The following GRM5 variants were observed in gnomAD, a reference collection of about 807,000 sequenced individuals.
The protein encoded by GRM5 is glutamate metabotropic receptor 5, also known as metabotropic glutamate receptor 5.
A neutral mutation model predicts 83.1 loss-of-function variants in GRM5; 19 were observed. That is an observed-to-expected ratio of 0.23 (90% CI 0.16 to 0.34). GRM5 has a LOEUF of 0.34. Among genes scored for constraint, GRM5 ranks in the 10% least tolerant of loss-of-function variants. GRM5 has a pLI of 1.00. For synonymous variants in GRM5, 675 were observed against 633.6 expected (o/e 1.07, Z -0.98); for missense variants, 1,160 against 1,588.3 (o/e 0.73, Z 4.58).
chr11:88,629,438 C>A (rs952538691), intron 4 of GRM5, among the ~76,000 whole-genome samples: 1 of 152,176 alleles, frequency 6.6e-6, no homozygotes, highest in South Asian at 2.1e-4. Context: ...CTTCCTAATC[C>A]ATTTCTGTCT....
intron 9 of GRM5, among the ~76,000 whole-genome samples, chr11:88,510,459 C>A (rs568004990): frequency 6.6e-6 from 1 of 152,164 alleles, no homozygotes; most frequent in African/African-American, 2.4e-5. Context: ...AAGCTGCAGA[C>A]GTTCTTTCAG....
At chr11:88,553,793 G>T (rs779649118) in intron 8 of GRM5, among the ~76,000 whole-genome samples, 2 of 152,070 alleles carry the variant, frequency 1.3e-5, no homozygotes, top group South Asian at 2.1e-4. Flanking sequence ...TGCATGTTGG[G>T]GGGAAAAATA....
At chr11:88,815,899 C>T (rs1285771410) in intron 3 of GRM5, among the ~76,000 whole-genome samples, 3 of 152,120 alleles carry the variant, frequency 2.0e-5, no homozygotes, top group Non-Finnish European at 4.4e-5. Context: ...AAATCAGAGG[C>T]TTCAGCCCCT....
chr11:88,604,723 T>C lies in GRM5; in HGVS notation c.1389A>G (p.Pro463=). The C allele has an allele frequency of 6.2e-7, 1 of 1,611,892 alleles. No homozygotes were observed. The highest frequency in any genetic ancestry group is 8.5e-7 in the Non-Finnish European group (1 of 1,178,068). ...TILFDENGDS[P]GRYEIMNFKE... ...GGAGAATTGTAACACAATACCTTCCTGGAGAGTCTCCATTCTCATCGAATA... is the reference window on the plus strand; with the variant it reads ...GGAGAATTGTAACACAATACCTTCCCGGAGAGTCTCCATTCTCATCGAATA... The change falls in exon 5 of 10, where the codon CCA becomes CCG. Residue 463 remains proline, a synonymous_variant. Transcript: ENST00000305447.
chr11:88,716,108 A>G (rs913767189), intron 3 of GRM5, among the ~76,000 whole-genome samples: 7 of 151,962 alleles, frequency 4.6e-5, no homozygotes, highest in Admixed American at 1.3e-4. Flanking sequence ...CAAAAAAAGG[A>G]TGAGAGTTTG....
At chr11:88,601,302 A>G (rs1937987703) in intron 5 of GRM5, among the ~76,000 whole-genome samples, 1 of 152,038 alleles carries the variant, frequency 6.6e-6, no homozygotes, top group Non-Finnish European at 1.5e-5. Flanking sequence ...CATTTCTACT[A>G]TTCTAGCCTC....
intron 7 of GRM5, among the ~76,000 whole-genome samples, chr11:88,568,291 T>G (rs776143262): frequency 1.3e-5 from 2 of 152,176 alleles, no homozygotes; most frequent in African/African-American, 2.4e-5. Flanking sequence ...CAACTGTAAC[T>G]GTGATAAGGG....
chr11:88,578,720 T>C (rs1018812787), intron 7 of GRM5, among the ~76,000 whole-genome samples: 3 of 152,142 alleles, frequency 2.0e-5, no homozygotes, highest in African/African-American at 7.2e-5. Context: ...TAATGAACGT[T>C]GAGAAATTGG....
At chr11:88,813,971 CTT>C (rs1943628407) in intron 3 of GRM5, among the ~76,000 whole-genome samples, 1 of 151,968 alleles carries the variant, frequency 6.6e-6, no homozygotes. Context: ...AAAAACAAGA[CTT>C]AGCCTTCTAA....
chr11:88,991,929 G>T (rs1295907902), intron 2 of GRM5, among the ~76,000 whole-genome samples: 2 of 152,094 alleles, frequency 1.3e-5, no homozygotes, highest in African/African-American at 4.8e-5. Context: ...AACCCAGGCA[G>T]TACCATTCAG....
chr11:88,727,165 C>T (rs1383025293), intron 3 of GRM5, among the ~76,000 whole-genome samples: 2 of 152,136 alleles, frequency 1.3e-5, no homozygotes, highest in African/African-American at 4.8e-5. Context: ...CAAAGACGCA[C>T]ATAGGCTCAA....
intron 2 of GRM5, among the ~76,000 whole-genome samples, chr11:88,904,664 G>A (rs762768791): frequency 6.6e-6 from 1 of 152,064 alleles, no homozygotes; most frequent in Non-Finnish European, 1.5e-5. Context: ...GATACAATGT[G>A]TATCTTACAT....
intron 3 of GRM5, among the ~76,000 whole-genome samples, chr11:88,657,726 T>G (rs957274678): frequency 6.6e-6 from 1 of 152,142 alleles, no homozygotes; most frequent in Non-Finnish European, 1.5e-5. Flanking sequence ...AAATTGACTC[T>G]TGAATTACCC....
At chr11:88,527,659 T>G (rs1235546399) in intron 8 of GRM5, among the ~76,000 whole-genome samples, 1 of 152,184 alleles carries the variant, frequency 6.6e-6, no homozygotes, top group Admixed American at 6.6e-5. Context: ...ACTGCAGCAC[T>G]ATTCACTATA....
In GRM5 at chr11:88,523,631, CTACACATG is replaced by C. The variant is rs930578842; in HGVS notation, c.2726+1670_2726+1677del. On this transcript the variant is annotated intron_variant, in intron 9 of 9. Transcript: ENST00000305447. The stretch of plus-strand genomic sequence containing the variant: ...TACACCAAAGTACACACATATATGC[CTACACATG>C]TACACACACTATCATTGCCTTGTCT... 1.2e-3 allele frequency among the ~76,000 whole-genome samples: 180 copies of C among 152,244 alleles called. 1 individual carries two copies. Among genetic ancestry groups the C allele is most frequent in the African/African-American group, 4.1e-3 (172 of 41,548 alleles).
intron 2 of GRM5, among the ~76,000 whole-genome samples, chr11:89,018,940 A>G (rs112585100): frequency 0.028 from 4,270 of 152,298 alleles, 82 homozygotes; most frequent in Middle Eastern, 0.075. Flanking sequence ...GACTAAACTA[A>G]TATTGATACA....
At chr11:88,828,504 A>T (rs1476082993) in intron 3 of GRM5, among the ~76,000 whole-genome samples, 1 of 152,196 alleles carries the variant, frequency 6.6e-6, no homozygotes, top group Non-Finnish European at 1.5e-5. Context: ...TATAAGAAGA[A>T]GAAAATAAGT....
intron 3 of GRM5, among the ~76,000 whole-genome samples, chr11:88,709,971 G>A (rs1442833699): frequency 6.6e-6 from 1 of 152,068 alleles, no homozygotes; most frequent in African/African-American, 2.4e-5. Flanking sequence ...CCTGTTGAAG[G>A]CCCCTTTGGT....
At chr11:88,998,904 A>C (rs1940279603) in intron 2 of GRM5, among the ~76,000 whole-genome samples, 1 of 152,296 alleles carries the variant, frequency 6.6e-6, no homozygotes, top group Admixed American at 6.5e-5. Context: ...TCTAAAATGC[A>C]TATGGAAAGG....
Sources: allele counts gnomAD v4.1 joint callset (sites outside exome capture counted in the v4.1 genomes callset), GRCh38; gene constraint gnomAD v4.1.1; transcripts MANE v1.5; gene names NCBI Gene and HGNC (gene_info 2026-07-23, HGNC 2026-07-21).